FBN1: variants seen among roughly 807,000 people sequenced by gnomAD.
FBN1 encodes the protein fibrillin 1, also known as fibrillin-1.
FBN1 carries 29 observed loss-of-function variants against 365.1 expected under a neutral mutation model. That is an observed-to-expected ratio of 0.08 (90% CI 0.06 to 0.11). FBN1 has a LOEUF of 0.11. FBN1 is among the 10% of genes least tolerant of loss of function. The pLI, the probability that FBN1 is intolerant of heterozygous loss-of-function variation, is 1.00. For missense variants in FBN1, 2,476 were observed against 3,703.2 expected (o/e 0.67, Z 8.60); for synonymous variants, 1,210 against 1,270.5 (o/e 0.95, Z 1.01).
At position 48,470,627 on chromosome 15, in the gene FBN1, G is replaced by T; in HGVS notation, c.4459+7C>A. ...GGAGCTGATTTTGATGCCAGTGGAG[G>T]TCTTACCTGTGCAGTTCCCGCCGCT... On this transcript the variant is annotated splice_region_variant and intron_variant, in intron 36 of 65. Coordinates refer to ENST00000316623, the MANE Select transcript of FBN1 (RefSeq NM_000138.5). 6.2e-7 allele frequency: 1 copy of T among 1,613,830 alleles called. No individual in the cohort carries two copies. The highest frequency in any genetic ancestry group is 8.5e-7 in the Non-Finnish European group (1 of 1,180,004).
At chr15:48,495,408 C>T (rs2043598204) in intron 21 of FBN1, 61 bp downstream of exon 21, 24 of 1,599,674 alleles carry the variant, frequency 1.5e-5, no homozygotes, top group Non-Finnish European at 2.0e-5. Flanking sequence ...GCAGGAAAAG[C>T]TGACATTAAG....
intron 63 of FBN1, among the ~76,000 whole-genome samples, chr15:48,420,284 C>T (rs904099871): frequency 6.6e-6 from 1 of 151,724 alleles, no homozygotes; most frequent in Non-Finnish European, 1.5e-5. Context: ...TAGAGCTGAA[C>T]AGAACTACTT....
chr15:48,503,661 C>T (rs1597574056), intron 17 of FBN1, 126 bp downstream of exon 17: 1 of 1,259,800 alleles, frequency 7.9e-7, no homozygotes, highest in African/African-American at 1.5e-5. Flanking sequence ...TCTGCCAAGA[C>T]CCCAAGAAGG....
intron 6 of FBN1, among the ~76,000 whole-genome samples, chr15:48,552,445 T>A (rs1437965378): frequency 6.6e-6 from 1 of 151,816 alleles, no homozygotes; most frequent in Non-Finnish European, 1.5e-5. Flanking sequence ...CCTATTTTTT[T>A]ATTTTTTGTA....
At chr15:48,443,047 T>C (rs1597530785) in intron 49 of FBN1, among the ~76,000 whole-genome samples, 3 of 152,308 alleles carry the variant, frequency 2.0e-5, no homozygotes, top group East Asian at 3.9e-4. Context: ...CTTAATATTG[T>C]AAATACCACA....
At chr15:48,644,184 A>C in intron 2 of FBN1, 1 of 185,706 alleles carries the variant, frequency 5.4e-6, no homozygotes. Flanking sequence ...TGTCATGGGA[A>C]TCCCTTCCTT....
At chr15:48,545,255 T>C (rs2044085889) in intron 6 of FBN1, among the ~76,000 whole-genome samples, 1 of 152,224 alleles carries the variant, frequency 6.6e-6, no homozygotes, top group Non-Finnish European at 1.5e-5. Flanking sequence ...AATTAACCTG[T>C]ATATCATAAA....
intron 50 of FBN1, among the ~76,000 whole-genome samples, chr15:48,438,943 C>T (rs768411796): frequency 5.3e-5 from 8 of 152,124 alleles, no homozygotes; most frequent in Non-Finnish European, 8.8e-5. Context: ...AAAAGAAATG[C>T]TTTCATACCC....
chr15:48,505,797 T>A (rs2043703256), intron 15 of FBN1, among the ~76,000 whole-genome samples: 1 of 152,228 alleles, frequency 6.6e-6, no homozygotes, highest in Non-Finnish European at 1.5e-5. Flanking sequence ...TTTATGTGTA[T>A]ACTTAAGGAG....
chr15:48,598,538 T>A (rs1244684501), intron 5 of FBN1, among the ~76,000 whole-genome samples: 1 of 152,116 alleles, frequency 6.6e-6, no homozygotes, highest in African/African-American at 2.4e-5. Flanking sequence ...TCCTTTCCCC[T>A]CACTCTCCTC....
chr15:48,621,735 T>A (rs190211955), intron 2 of FBN1, among the ~76,000 whole-genome samples: 65 of 152,052 alleles, frequency 4.3e-4, no homozygotes, highest in Middle Eastern at 3.4e-3. Flanking sequence ...ACGCCTGTAA[T>A]CCCAGTACTT....
At chr15:48,482,185 G>T (rs1375466213) in intron 31 of FBN1, among the ~76,000 whole-genome samples, 1 of 152,166 alleles carries the variant, frequency 6.6e-6, no homozygotes, top group African/African-American at 2.4e-5. Flanking sequence ...TTGTCTTAGT[G>T]TAAGTAGTTT....
intron 23 of FBN1, 98 bp from the exon 24 acceptor site, chr15:48,492,684 G>T: frequency 9.6e-7 from 1 of 1,043,226 alleles, no homozygotes; most frequent in Non-Finnish European, 1.4e-6. Flanking sequence ...TTTTGAACCT[G>T]GTAAGTTCAT....
At chr15:48,463,372 CAAAA>C in intron 41 of FBN1, 132 bp from the exon 42 acceptor site, 1 of 923,640 alleles carries the variant, frequency 1.1e-6, no homozygotes, top group South Asian at 1.4e-5. Context: ...GATAAGGACA[CAAAA>C]AACTTGCTCT....
chr15:48,570,577 T>G (rs1165236629), intron 6 of FBN1, among the ~76,000 whole-genome samples: 1 of 152,172 alleles, frequency 6.6e-6, no homozygotes, highest in South Asian at 2.1e-4. Context: ...GACTCCCCTA[T>G]CTAACATTTC....
chr15:48,498,861 A>G lies in FBN1; in HGVS notation c.2167+124T>C, dbSNP rs2043631496. The G allele has an allele frequency of 5.4e-6, 5 of 933,276 alleles. No homozygotes were observed. In the South Asian group the frequency reaches 6.5e-5, roughly 12 times the overall value. The allele number at this position is 933,276 out of a possible 1,614,324, so 57.8% of individuals were successfully genotyped here. On this transcript the variant is annotated intron_variant, in intron 18 of 65. Transcript: ENST00000316623. ...CTTCTGAGCATCCCAGATACATGGC[A>G]CAGTGATGGCCAGAGAGGGAGTCAG...
At chr15:48,492,938 T>C (rs1245752869) in intron 23 of FBN1, among the ~76,000 whole-genome samples, 1 of 152,100 alleles carries the variant, frequency 6.6e-6, no homozygotes, top group African/African-American at 2.4e-5. Flanking sequence ...TGGAAATGAG[T>C]AGAGAAGCAA....
At chr15:48,452,500 T>C (rs979779748) in intron 45 of FBN1, 62 bp downstream of exon 45, 6 of 1,591,012 alleles carry the variant, frequency 3.8e-6, no homozygotes, top group Admixed American at 1.7e-5. Context: ...AATCCAGATA[T>C]CTGAAGCTTC....
At chr15:48,637,293 T>C (rs572689652) in intron 2 of FBN1, among the ~76,000 whole-genome samples, 1 of 152,360 alleles carries the variant, frequency 6.6e-6, no homozygotes, top group African/African-American at 2.4e-5. Flanking sequence ...GGCAAAGATC[T>C]GATCATGTTC....
Sources: allele counts gnomAD v4.1 joint callset (sites outside exome capture counted in the v4.1 genomes callset), GRCh38; gene constraint gnomAD v4.1.1; transcripts MANE v1.5; gene names NCBI Gene and HGNC (gene_info 2026-07-23, HGNC 2026-07-21).